Variants in MYT1 observed in about 807,000 individuals in gnomAD.
The protein encoded by MYT1 is myelin transcription factor 1.
In MYT1, 23 loss-of-function variants were observed where a neutral mutation model predicts 123.0. The observed-to-expected ratio is 0.19, with a 90% confidence interval of 0.13 to 0.26. The LOEUF (loss-of-function observed/expected upper bound fraction) is 0.26, where lower values mean the gene tolerates loss of function less well. Among genes scored for constraint, MYT1 ranks in the 10% least tolerant of loss-of-function variants. The probability of loss-of-function intolerance (pLI) is 1.00; values close to 1 mark genes in which losing one functional copy is unlikely to be tolerated. For missense variants in MYT1, 1,125 were observed against 1,472.5 expected (o/e 0.76, Z 3.86); for synonymous variants, 518 against 575.3 (o/e 0.90, Z 1.43).
rs1284572944 is a variant in MYT1, at chr20:64,208,777, G to A, written c.1291+290G>A. ...GACCCACCCACAGTGACTGGTCACA[G>A]CAGCATCTGGGGTCTGGAGAGGGTG... On this transcript the variant is annotated intron_variant, in intron 7 of 22. Transcript: ENST00000328439. This position sits in a 1 kb window ranked among gnomAD's most constrained non-coding sequence, Gnocchi z 5.4. Among the ~76,000 whole-genome samples, 1 of 152,248 alleles carries A rather than the reference G, an allele frequency of 6.6e-6. No homozygotes were observed. The highest frequency in any genetic ancestry group is 1.5e-5 in the Non-Finnish European group (1 of 68,044).
intron 10 of MYT1, among the ~76,000 whole-genome samples, chr20:64,215,318 C>T (rs892059223): frequency 2.0e-5 from 3 of 152,174 alleles, no homozygotes; most frequent in South Asian, 2.1e-4. Context: ...CAAACTAAGT[C>T]GCTCATGAGG....
At chr20:64,195,445 G>T (rs1382736947) in intron 2 of MYT1, among the ~76,000 whole-genome samples, 1 of 136,496 alleles carries the variant, frequency 7.3e-6, no homozygotes, top group African/African-American at 2.8e-5. Flanking sequence ...GCCTAGGCTG[G>T]AGTGCAGTGG....
At chr20:64,224,657 C>T (rs1984115736) in intron 16 of MYT1, among the ~76,000 whole-genome samples, 1 of 152,190 alleles carries the variant, frequency 6.6e-6, no homozygotes, top group South Asian at 2.1e-4. Context: ...CCTAGAAACC[C>T]AGGAAACACT....
rs1197575201 is a variant in MYT1, at chr20:64,218,015, T to C, written c.1846+734T>C. Reference sequence around the variant, plus strand: ...ATTGGGAGTGGCATCGCGGGGCAGATGTTGTCAGCCCCAAACATGACGTGA... The same window carrying C: ...ATTGGGAGTGGCATCGCGGGGCAGACGTTGTCAGCCCCAAACATGACGTGA... On this transcript the variant is annotated intron_variant, in intron 11 of 22. Coordinates refer to ENST00000328439, the MANE Select transcript of MYT1 (RefSeq NM_004535.3). This position sits in a 1 kb window ranked among gnomAD's most constrained non-coding sequence, Gnocchi z 4.0. Among the ~76,000 whole-genome samples the C allele has an allele frequency of 6.6e-6, 1 of 152,214 alleles. No homozygotes were observed. The highest frequency in any genetic ancestry group is 2.4e-5 in the African/African-American group (1 of 41,456).
chr20:64,199,741 C>A, intron 3 of MYT1, 151 bp from the exon 4 acceptor site: 1 of 856,776 alleles, frequency 1.2e-6, no homozygotes, highest in Non-Finnish European at 1.9e-6. Flanking sequence ...AGGGTGAGCG[C>A]CCTGGGGAAA....
intron 7 of MYT1, among the ~76,000 whole-genome samples, chr20:64,209,081 G>A (rs989443977): frequency 6.6e-6 from 1 of 152,038 alleles, no homozygotes; most frequent in Non-Finnish European, 1.5e-5. Context: ...AGACAAGGAG[G>A]GCTGCTTGGA....
At position 64,241,201 on chromosome 20, in the gene MYT1, C is replaced by G. The variant is rs1984707527; in HGVS notation, c.*753C>G. ...TGGGTCTGGGATCCACGTCTAGGGA[C>G]CACTCTGGCTTCTGTGCATCCACCC... is the stretch of plus-strand genomic sequence containing the variant. On this transcript the variant is annotated 3_prime_UTR_variant, in exon 23 of 23. Coordinates refer to ENST00000328439, the MANE Select transcript of MYT1 (RefSeq NM_004535.3). The surrounding 1 kb of genome is among the most constrained non-coding windows in gnomAD (Gnocchi z 4.2). The G allele has an allele frequency of 6.6e-6, 1 of 152,228 alleles. No homozygotes were observed. Among genetic ancestry groups the G allele is most frequent in the Non-Finnish European group, 1.5e-5 (1 of 68,090 alleles). 9.4% of individuals were successfully genotyped at this position (152,228 alleles called of 1,614,324 possible). A position where few individuals can be genotyped will look rare whatever the true frequency, so the allele number is the denominator to read the frequency against.
intron 12 of MYT1, among the ~76,000 whole-genome samples, chr20:64,219,460 C>T (rs1983932391): frequency 6.6e-6 from 1 of 152,218 alleles, no homozygotes; most frequent in African/African-American, 2.4e-5. Flanking sequence ...CTAGTCTTAC[C>T]CGTGTTTATG....
chr20:64,206,960 G>T (rs959948741), intron 6 of MYT1, among the ~76,000 whole-genome samples: 2 of 152,176 alleles, frequency 1.3e-5, no homozygotes, highest in Non-Finnish European at 2.9e-5. Context: ...AGGCTGGAGT[G>T]CAGGGGCACG....
At chr20:64,209,131 G>A (rs73161111) in intron 7 of MYT1, among the ~76,000 whole-genome samples, 15,123 of 152,192 alleles carry the variant, frequency 0.099, 864 homozygotes, top group South Asian at 0.13. Flanking sequence ...GGAGCAGCTG[G>A]GAAGCAGCTG....
rs1453283270 is a variant in MYT1, at chr20:64,186,117, C to T, written c.-98-3946C>T. 2.6e-5 allele frequency among the ~76,000 whole-genome samples: 4 copies of T among 152,144 alleles called. No homozygotes were observed. The highest frequency in any genetic ancestry group is 9.7e-5 in the African/African-American group (4 of 41,426). On this transcript the variant is annotated intron_variant, in intron 1 of 22. Coordinates refer to ENST00000328439, the MANE Select transcript of MYT1 (RefSeq NM_004535.3). This position sits in a 1 kb window ranked among gnomAD's most constrained non-coding sequence, Gnocchi z 4.3. ...CTGGACCTTTGTGCATCAATCTCAG[C>T]TGAGGAGGCCCTGTTTGTTTCCTGA...
At chr20:64,215,773 C>CT (rs1466796386) in intron 10 of MYT1, among the ~76,000 whole-genome samples, 3 of 126,794 alleles carry the variant, frequency 2.4e-5, no homozygotes, top group East Asian at 2.3e-4. Flanking sequence ...TTTTTTTTTT[C>CT]TTTTTTTTGT....
In MYT1 at chr20:64,189,630, A is replaced by G. The variant is rs543865212; in HGVS notation, c.-98-433A>G. ...CAAAACAATCTTCTTTTTCAAATGC[A>G]TATGTACTGTGCATTCTTTTGAGGG... On this transcript the variant is annotated intron_variant, in intron 1 of 22. Coordinates refer to ENST00000328439, the MANE Select transcript of MYT1 (RefSeq NM_004535.3). This position sits in a 1 kb window ranked among gnomAD's most constrained non-coding sequence, Gnocchi z 5.5. Among the ~76,000 whole-genome samples, 269 of 152,336 alleles carry G rather than the reference A, an allele frequency of 1.8e-3. 5 individuals are homozygous for G. Among genetic ancestry groups the G allele is most frequent in the Non-Finnish European group, 7.1e-4 (48 of 68,036 alleles).
chr20:64,214,375 G>A (rs532917841), intron 10 of MYT1, among the ~76,000 whole-genome samples: 1 of 152,350 alleles, frequency 6.6e-6, no homozygotes, highest in East Asian at 1.9e-4. Flanking sequence ...ATGTTTACAT[G>A]TGCGTGCAAG....
intron 1 of MYT1, among the ~76,000 whole-genome samples, chr20:64,172,327 C>T (rs1407437962): frequency 6.6e-6 from 1 of 152,150 alleles, no homozygotes; most frequent in Non-Finnish European, 1.5e-5. Flanking sequence ...GTTGGAGAGC[C>T]TGGGATTGGA....
In MYT1 at chr20:64,166,469, C is replaced by G. The variant is rs1013290997; in HGVS notation, c.-99+1730C>G. Among the ~76,000 whole-genome samples the G allele has an allele frequency of 2.0e-5, 3 of 152,132 alleles. No homozygotes were observed. Among genetic ancestry groups the G allele is most frequent in the Non-Finnish European group, 2.9e-5 (2 of 68,028 alleles). ...AGCCACAGAGAGTTGGACAAAGAGG[C>G]CTTTCTGCTCTGGAACAGCCTCGGC... On this transcript the variant is annotated intron_variant, in intron 1 of 22. Transcript: ENST00000328439. This position sits in a 1 kb window ranked among gnomAD's most constrained non-coding sequence, Gnocchi z 4.9.
At chr20:64,211,628 G>A (rs1179803174) in intron 8 of MYT1, among the ~76,000 whole-genome samples, 1 of 152,258 alleles carries the variant, frequency 6.6e-6, no homozygotes, top group African/African-American at 2.4e-5. Context: ...ACAGGCTAGT[G>A]CCATCCAAGC....
chr20:64,212,028 C>A lies in MYT1; in HGVS notation c.1427-20C>A. On this transcript the variant is annotated intron_variant, in intron 8 of 22. Transcript: ENST00000328439. This position sits in a 1 kb window ranked among gnomAD's most constrained non-coding sequence, Gnocchi z 6.8. ...ATTCTCTGACAGCCTCGGCTCCCTC[C>A]ACCCCCTGTTCTCTTACAGTCTTAG... The A allele has an allele frequency of 6.2e-7, 1 of 1,604,794 alleles. No individual in the cohort carries two copies. The highest frequency in any genetic ancestry group is 8.5e-7 in the Non-Finnish European group (1 of 1,172,130).
rs1047299354 is a variant in MYT1, at chr20:64,192,228, C to G, written c.-1+2068C>G. On this transcript the variant is annotated intron_variant, in intron 2 of 22. Coordinates refer to ENST00000328439, the MANE Select transcript of MYT1 (RefSeq NM_004535.3). The surrounding 1 kb of genome is among the most constrained non-coding windows in gnomAD (Gnocchi z 5.3). ...CACTGCTCTGTTTGAGGGTCATTTC[C>G]CTTCTTTTCTTGCAGATAGGGCCGA... Among the ~76,000 whole-genome samples the G allele has an allele frequency of 6.6e-6, 1 of 152,178 alleles. No individual in the cohort carries two copies. Among genetic ancestry groups the G allele is most frequent in the African/African-American group, 2.4e-5 (1 of 41,428 alleles).
Sources: allele counts gnomAD v4.1 joint callset (sites outside exome capture counted in the v4.1 genomes callset), GRCh38; gene constraint gnomAD v4.1.1; non-coding constraint Gnocchi (gnomAD v3.1); transcripts MANE v1.5; gene names NCBI Gene and HGNC (gene_info 2026-07-23, HGNC 2026-07-21).